Variants in NRXN3 observed in about 807,000 individuals in gnomAD.
NRXN3 encodes neurexin 3.
A neutral mutation model predicts 137.6 loss-of-function variants in NRXN3; 32 were observed. The observed-to-expected ratio is 0.23, with a 90% CI of 0.18 to 0.31. NRXN3 has a LOEUF of 0.31. Ranked by LOEUF, NRXN3 falls within the 10% of genes least tolerant of loss-of-function variation. The pLI is 1.00. For synonymous variants in NRXN3, 798 were observed against 784.5 expected (o/e 1.02, Z -0.29); for missense variants, 1,574 against 2,062.5 (o/e 0.76, Z 4.59).
At chr14:78,806,425 G>A (rs1290795838) in intron 9 of NRXN3, among the ~76,000 whole-genome samples, 1 of 152,062 alleles carries the variant, frequency 6.6e-6, no homozygotes, top group African/African-American at 2.4e-5. Context: ...AGAAGAAAAT[G>A]TATCCAAGTA....
At chr14:78,490,749 T>G (rs753210012) in intron 4 of NRXN3, among the ~76,000 whole-genome samples, 27 of 152,262 alleles carry the variant, frequency 1.8e-4, no homozygotes, top group Non-Finnish European at 2.4e-4. Flanking sequence ...TTTATTACAT[T>G]TATTATTCTT....
intron 15 of NRXN3, among the ~76,000 whole-genome samples, chr14:79,296,447 GAAAA>G (rs113327994): frequency 7.2e-6 from 1 of 139,474 alleles, no homozygotes; most frequent in African/African-American, 2.6e-5. Context: ...ATATACTTGG[GAAAA>G]AAAAAAAAAC....
chr14:78,556,913 C>T (rs2096743003), intron 4 of NRXN3, among the ~76,000 whole-genome samples: 1 of 117,922 alleles, frequency 8.5e-6, no homozygotes, highest in Non-Finnish European at 1.8e-5. Context: ...CTCCCCCTCC[C>T]CCTTCCCCTC....
At chr14:78,402,573 A>C (rs1244583499) in intron 4 of NRXN3, among the ~76,000 whole-genome samples, 1 of 152,180 alleles carries the variant, frequency 6.6e-6, no homozygotes, top group Non-Finnish European at 1.5e-5. Context: ...ATAAATGGTC[A>C]CATATTTCAA....
At chr14:78,245,714 C>T (rs1307630462) in intron 2 of NRXN3, among the ~76,000 whole-genome samples, 1 of 152,170 alleles carries the variant, frequency 6.6e-6, no homozygotes, top group Non-Finnish European at 1.5e-5. Flanking sequence ...CATGCATGGG[C>T]TATTGCAGGA....
chr14:78,883,620 C>A (rs962098110), intron 10 of NRXN3, among the ~76,000 whole-genome samples: 2 of 152,110 alleles, frequency 1.3e-5, no homozygotes, highest in Non-Finnish European at 2.9e-5. Context: ...ATTGGGTTGT[C>A]CTTTTGGATG....
intron 15 of NRXN3, among the ~76,000 whole-genome samples, chr14:79,199,137 A>T (rs2065560635): frequency 6.6e-6 from 1 of 151,746 alleles, no homozygotes; most frequent in Non-Finnish European, 1.5e-5. Flanking sequence ...ACTGCGCTCC[A>T]GCCTGGGCGA....
intron 8 of NRXN3, chr14:78,745,059 T>C (rs567299886): frequency 6.6e-6 from 1 of 152,348 alleles, no homozygotes; most frequent in South Asian, 2.1e-4. Context: ...AGTTTACTAA[T>C]GTAGAATAAG....
chr14:78,729,717 C>T (rs1291796296), intron 8 of NRXN3, among the ~76,000 whole-genome samples: 1 of 152,168 alleles, frequency 6.6e-6, no homozygotes, highest in Non-Finnish European at 1.5e-5. Flanking sequence ...CATGCACACA[C>T]ATGCACATGA....
chr14:78,924,278 T>G (rs186387307), intron 10 of NRXN3, among the ~76,000 whole-genome samples: 2 of 152,218 alleles, frequency 1.3e-5, no homozygotes, highest in African/African-American at 4.8e-5. Flanking sequence ...CGTGTGAGTA[T>G]AGTAGTGAAC....
At chr14:79,037,963 A>G (rs890053196) in intron 15 of NRXN3, among the ~76,000 whole-genome samples, 6 of 152,126 alleles carry the variant, frequency 3.9e-5, no homozygotes, top group African/African-American at 1.4e-4. Flanking sequence ...GTTAGGCTGA[A>G]AATATGATTG....
intron 15 of NRXN3, among the ~76,000 whole-genome samples, chr14:78,992,527 C>T (rs1485194210): frequency 6.6e-6 from 1 of 152,154 alleles, no homozygotes; most frequent in South Asian, 2.1e-4. Flanking sequence ...GCCATGGCAG[C>T]ACCAGGCAAA....
chr14:79,005,976 G>T (rs994073334), intron 15 of NRXN3, among the ~76,000 whole-genome samples: 8 of 152,002 alleles, frequency 5.3e-5, no homozygotes, highest in Non-Finnish European at 8.8e-5. Flanking sequence ...AGTTCTACAG[G>T]GTAGGTACAA....
At chr14:78,815,680 A>G (rs900148522) in intron 10 of NRXN3, among the ~76,000 whole-genome samples, 2 of 151,494 alleles carry the variant, frequency 1.3e-5, no homozygotes, top group Non-Finnish European at 2.9e-5. Context: ...TTTCCTCTCC[A>G]TGGTACAAGA....
chr14:79,640,030 T>C (rs2098424971), intron 16 of NRXN3, among the ~76,000 whole-genome samples: 1 of 90,028 alleles, frequency 1.1e-5, no homozygotes, highest in African/African-American at 2.7e-5. Flanking sequence ...CATCTTGTTG[T>C]CCCTATAGTG....
chr14:78,879,960 C>CAGGGTAAGT lies in NRXN3; in HGVS notation c.2275+69616_2275+69617insAGGGTAAGT, dbSNP rs1447202372. 5.5e-3 allele frequency among the ~76,000 whole-genome samples: 828 copies of CAGGGTAAGT among 151,340 alleles called. 47 individuals are homozygous for CAGGGTAAGT. Among genetic ancestry groups the CAGGGTAAGT allele is most frequent in the African/African-American group, 0.019 (785 of 40,668 alleles). On this transcript the variant is annotated intron_variant, in intron 10 of 20. Coordinates refer to ENST00000335750, the MANE Select transcript of NRXN3 (RefSeq NM_001330195.2). ...TGGGGGTAATAATATAAGAATTGGG[C>CAGGGTAAGT]CGGGCGCGGTGGCTCACGCCTGTAA...
At chr14:79,802,541 C>A (rs1409266385) in intron 19 of NRXN3, among the ~76,000 whole-genome samples, 2 of 152,162 alleles carry the variant, frequency 1.3e-5, no homozygotes, top group Non-Finnish European at 2.9e-5. Flanking sequence ...CAGCCCAAAC[C>A]AAACTTTCCT....
At chr14:78,235,460 A>G (rs1722886752) in intron 1 of NRXN3, among the ~76,000 whole-genome samples, 2 of 152,106 alleles carry the variant, frequency 1.3e-5, no homozygotes, top group South Asian at 4.2e-4. Flanking sequence ...CAGTTCTCAT[A>G]TCATGAGAAG....
intron 15 of NRXN3, among the ~76,000 whole-genome samples, chr14:79,452,007 TG>T (rs2096180630): frequency 6.6e-6 from 1 of 152,098 alleles, no homozygotes; most frequent in African/African-American, 2.4e-5. Context: ...CCACAACCTA[TG>T]TGGCCCAATG....
Sources: gnomAD v4.1 joint callset for allele counts (sites outside exome capture counted in the v4.1 genomes callset) on GRCh38, gnomAD v4.1.1 for gene constraint, MANE v1.5 for transcripts, NCBI Gene and HGNC (gene_info 2026-07-23, HGNC 2026-07-21) for gene names.